Variants in MBD5 observed in about 807,000 individuals in gnomAD.
The protein encoded by MBD5 is methyl-CpG-binding domain protein 5.
In MBD5, 13 loss-of-function variants were observed where a neutral mutation model predicts 117.3. The observed-to-expected ratio is 0.11, with a 90% CI of 0.07 to 0.18. The LOEUF (loss-of-function observed/expected upper bound fraction) is 0.18. MBD5 is among the 10% of genes least tolerant of loss of function. The pLI is 1.00. For missense variants in MBD5, 1,879 were observed against 2,093.8 expected (o/e 0.90, Z 2.00); for synonymous variants, 727 against 766.4 (o/e 0.95, Z 0.85).
At chr2:148,189,107 C>A (rs1417616852) in intron 2 of MBD5, among the ~76,000 whole-genome samples, 1 of 144,398 alleles carries the variant, frequency 6.9e-6, no homozygotes, top group Non-Finnish European at 1.5e-5. Flanking sequence ...GAGGGTCCTA[C>A]GCCCACGGAA....
At chr2:148,414,116 G>A (rs886483656) in intron 4 of MBD5, among the ~76,000 whole-genome samples, 6 of 151,922 alleles carry the variant, frequency 3.9e-5, no homozygotes, top group Non-Finnish European at 5.9e-5. Context: ...TGCTATAAAC[G>A]TTTCTCTTTA....
At chr2:148,285,285 T>A (rs1701343784) in intron 3 of MBD5, among the ~76,000 whole-genome samples, 1 of 152,240 alleles carries the variant, frequency 6.6e-6, no homozygotes, top group Non-Finnish European at 1.5e-5. Flanking sequence ...TATATACCTT[T>A]GACATTGTAA....
At chr2:148,100,271 A>G (rs577484280) in intron 1 of MBD5, among the ~76,000 whole-genome samples, 6 of 152,304 alleles carry the variant, frequency 3.9e-5, no homozygotes, top group African/African-American at 1.4e-4. Context: ...TGCATTGACT[A>G]TGAAAATTAG....
intron 4 of MBD5, chr2:148,347,729 A>G (rs1247559060): frequency 6.6e-6 from 1 of 152,042 alleles, no homozygotes; most frequent in Admixed American, 6.6e-5. Context: ...ACTTCTAGGT[A>G]AAAGAAAACA....
chr2:148,268,960 C>T (rs1700920186), intron 3 of MBD5, among the ~76,000 whole-genome samples: 2 of 151,864 alleles, frequency 1.3e-5, no homozygotes, highest in African/African-American at 4.8e-5. Context: ...AGAATAGACA[C>T]TCAGTAAATA....
At chr2:148,373,096 A>G (rs2105375569) in intron 4 of MBD5, among the ~76,000 whole-genome samples, 1 of 152,272 alleles carries the variant, frequency 6.6e-6, no homozygotes, top group Admixed American at 6.5e-5. Flanking sequence ...TGGCTACAAT[A>G]TTGAATTTTA....
chr2:148,406,024 A>T (rs528278703), intron 4 of MBD5, among the ~76,000 whole-genome samples: 90 of 152,192 alleles, frequency 5.9e-4, no homozygotes, highest in Middle Eastern at 3.4e-3. Context: ...AAATAAATAA[A>T]TAATTAATTA....
intron 1 of MBD5, chr2:148,044,243 T>A (rs1281057949): frequency 6.6e-6 from 1 of 152,226 alleles, no homozygotes; most frequent in Non-Finnish European, 1.5e-5. Context: ...TTTGCTGGTT[T>A]ACTTCACAGA....
intron 4 of MBD5, among the ~76,000 whole-genome samples, chr2:148,344,594 A>T (rs996264662): frequency 1.3e-5 from 2 of 151,888 alleles, no homozygotes; most frequent in Non-Finnish European, 2.9e-5. Context: ...AAATGGGATT[A>T]TGTTCTTCAT....
intron 4 of MBD5, among the ~76,000 whole-genome samples, chr2:148,354,708 T>C (rs1475518834): frequency 1.3e-5 from 2 of 152,210 alleles, no homozygotes; most frequent in Non-Finnish European, 2.9e-5. Flanking sequence ...TCCACAGTGG[T>C]TGAACTAATT....
chr2:148,253,282 G>A (rs1413562204), intron 3 of MBD5, among the ~76,000 whole-genome samples: 2 of 152,094 alleles, frequency 1.3e-5, no homozygotes, highest in Non-Finnish European at 2.9e-5. Flanking sequence ...ACCTTTATAT[G>A]TAGTTATTCA....
intron 1 of MBD5, among the ~76,000 whole-genome samples, chr2:148,101,891 G>A (rs1238136823): frequency 1.3e-5 from 2 of 152,186 alleles, no homozygotes; most frequent in East Asian, 3.9e-4. Flanking sequence ...TGTGAGATAT[G>A]TGTGTATGTG....
At chr2:148,086,323 T>A (rs1695791579) in intron 1 of MBD5, among the ~76,000 whole-genome samples, 1 of 152,140 alleles carries the variant, frequency 6.6e-6, no homozygotes, top group Admixed American at 6.5e-5. Context: ...TTAACCATAA[T>A]AGATTCCATC....
intron 1 of MBD5, among the ~76,000 whole-genome samples, chr2:148,066,551 A>G (rs1447414179): frequency 6.6e-6 from 1 of 150,874 alleles, no homozygotes; most frequent in African/African-American, 2.4e-5. Flanking sequence ...CAATGGCATA[A>G]TCTCAGCTCA....
intron 4 of MBD5, chr2:148,346,786 A>G: frequency 1.3e-5 from 2 of 151,626 alleles, no homozygotes; most frequent in Middle Eastern, 6.8e-3. Context: ...TGTGTGCTTT[A>G]TTTTTGTTAT....
chr2:148,132,316 G>T (rs1314060011), intron 1 of MBD5, among the ~76,000 whole-genome samples: 1 of 119,812 alleles, frequency 8.3e-6, no homozygotes, highest in Non-Finnish European at 1.7e-5. Context: ...AACAGGAAAA[G>T]AAATTATATA....
intron 4 of MBD5, among the ~76,000 whole-genome samples, chr2:148,454,316 A>ATAGTTGTATAACTAT (rs1706817181): frequency 6.6e-6 from 1 of 152,126 alleles, no homozygotes; most frequent in African/African-American, 2.4e-5. Context: ...AACATGATTG[A>ATAGTTGTATAACTAT]TATACCAATA....
chr2:148,252,158 A>C (rs1700480627), intron 3 of MBD5, among the ~76,000 whole-genome samples: 1 of 152,104 alleles, frequency 6.6e-6, no homozygotes, highest in African/African-American at 2.4e-5. Flanking sequence ...AGAGTATCTG[A>C]AGTGTCCTCA....
chr2:148,025,065 T>C (rs1345830905), intron 1 of MBD5: 2 of 152,216 alleles, frequency 1.3e-5, no homozygotes, highest in African/African-American at 4.8e-5. Flanking sequence ...ATCCAACTTA[T>C]GTACCTTTGC....
Sources: gnomAD v4.1 joint callset for allele counts (sites outside exome capture counted in the v4.1 genomes callset) on GRCh38, gnomAD v4.1.1 for gene constraint, MANE v1.5 for transcripts, NCBI Gene and HGNC (gene_info 2026-07-23, HGNC 2026-07-21) for gene names.